Variants in CIT observed in about 807,000 individuals in gnomAD.
CIT encodes the protein citron Rho-interacting kinase.
Under a neutral mutation model 272.7 loss-of-function variants are expected in CIT, and 79 were observed. That is an observed-to-expected ratio of 0.29 (90% CI 0.24 to 0.35). The LOEUF (loss-of-function observed/expected upper bound fraction) is 0.35, where lower values mean the gene tolerates loss of function less well. CIT is among the 10% of genes least tolerant of loss of function. CIT has a pLI of 1.00. For synonymous variants in CIT, 948 were observed against 995.6 expected (o/e 0.95, Z 0.90); for missense variants, 1,909 against 2,618.3 (o/e 0.73, Z 5.91).
rs75308461 is a variant in CIT at position 119,717,755 on chromosome 12, T to C, written c.4168+490A>G. On this transcript the variant is annotated intron_variant, in intron 32 of 47. Transcript: ENST00000392521. Reference sequence around the variant, plus strand: ...ATATTCTTTAAATATAATCACACAATGTAAGATACATGAATGGTATAGACA... The same window carrying C: ...ATATTCTTTAAATATAATCACACAACGTAAGATACATGAATGGTATAGACA... Among the ~76,000 whole-genome samples the C allele has an allele frequency of 4.1e-4, 62 of 151,376 alleles. 1 individual carries two copies. The East Asian group carries it at 0.011, about 27-fold the overall frequency.
chr12:119,702,108 C>CT lies in CIT; in HGVS notation c.5305-151dup, dbSNP rs113607985. 0.099 allele frequency: 52,660 copies of CT among 530,804 alleles called. 962 individuals carry two copies. The highest frequency in any genetic ancestry group is 0.23 in the African/African-American group (11,394 of 50,082). 32.9% of individuals were successfully genotyped at this position (530,804 alleles called of 1,614,324 possible). On this transcript the variant is annotated intron_variant, in intron 41 of 47. Transcript: ENST00000392521. ...CACGTTGTCATAGAGAGCCATTCAT[C>CT]TTTTTTTTTTTTTGGAGACAAGATC...
chr12:119,809,333 T>C (rs1555254635), intron 9 of CIT, among the ~76,000 whole-genome samples: 1 of 151,858 alleles, frequency 6.6e-6, no homozygotes, highest in Non-Finnish European at 1.5e-5. Flanking sequence ...ATAGTCAACA[T>C]GACAAATTCT....
chr12:119,776,279 A>G (rs1963735787), intron 15 of CIT, 79 bp downstream of exon 15: 1 of 1,063,194 alleles, frequency 9.4e-7, no homozygotes, highest in Non-Finnish European at 1.5e-6. Flanking sequence ...CTCTTCATCA[A>G]TGATGGGCCA....
In CIT at chr12:119,701,953, T is replaced by C. The variant is rs1379610402; in HGVS notation, c.5310A>G (p.Ile1770Met). ...NLSKYCIRKE[I>M]ETSEPCSCIH... ...TACAGCTGCAGGGCTCTGAGGTCTC[T>C]ATCTCCTGAGACATGAGAGCAGAAG... The change falls in exon 42 of 48, where the codon ATA becomes ATG. Residue 1770 changes from isoleucine to methionine, a missense_variant. Physicochemically the swap from Ile to Met is conservative, Grantham distance 10. Around this residue, in one of 8 missense-constraint regions of CIT, gnomAD observed 780 missense variants for 1,067.2 expected, o/e 0.73. Transcript: ENST00000392521. The C allele has an allele frequency of 4.3e-6, 7 of 1,609,686 alleles. No homozygotes were observed. Among genetic ancestry groups the C allele is most frequent in the Middle Eastern group, 3.3e-4 (2 of 6,018 alleles).
chr12:119,797,250 G>T (rs1002193939), intron 10 of CIT, among the ~76,000 whole-genome samples: 5 of 152,212 alleles, frequency 3.3e-5, no homozygotes, highest in African/African-American at 1.2e-4. Flanking sequence ...TAATCTTCAG[G>T]ACTGGGCTAG....
chr12:119,799,447 C>T (rs1272961122), intron 10 of CIT, among the ~76,000 whole-genome samples: 1 of 152,126 alleles, frequency 6.6e-6, no homozygotes, highest in African/African-American at 2.4e-5. Context: ...AAACTGGTTC[C>T]CAGAAAACTC....
intron 12 of CIT, chr12:119,783,410 A>G (rs1964486187): frequency 6.6e-6 from 1 of 152,516 alleles, no homozygotes; most frequent in South Asian, 2.1e-4. Flanking sequence ...TTGTGAAGGA[A>G]AGAAAAAATG....
At chr12:119,818,776 T>C (rs1305003631) in intron 9 of CIT, among the ~76,000 whole-genome samples, 2 of 152,216 alleles carry the variant, frequency 1.3e-5, no homozygotes, top group Non-Finnish European at 2.9e-5. Flanking sequence ...AAATAATCCG[T>C]GATCACCACT....
chr12:119,797,863 G>A (rs1965867053), intron 10 of CIT, among the ~76,000 whole-genome samples: 1 of 152,190 alleles, frequency 6.6e-6, no homozygotes, highest in Non-Finnish European at 1.5e-5. Flanking sequence ...ACAAAATGTA[G>A]ATGTGAATAG....
intron 24 of CIT, among the ~76,000 whole-genome samples, chr12:119,736,601 G>C (rs576966778): frequency 6.6e-6 from 1 of 152,326 alleles, no homozygotes; most frequent in South Asian, 2.1e-4. Context: ...AGCTACAAGA[G>C]GGGGAATAAA....
intron 23 of CIT, among the ~76,000 whole-genome samples, chr12:119,747,192 G>A (rs1482673920): frequency 6.6e-6 from 1 of 152,162 alleles, no homozygotes; most frequent in Non-Finnish European, 1.5e-5. Flanking sequence ...GGAGGCTGAA[G>A]CAGGTGGATC....
chr12:119,777,062 C>T (rs1460128580), intron 13 of CIT, among the ~76,000 whole-genome samples: 1 of 152,010 alleles, frequency 6.6e-6, no homozygotes, highest in Non-Finnish European at 1.5e-5. Flanking sequence ...CAAGACCATC[C>T]TGGCCAACAT....
At chr12:119,826,334 G>A (rs1359402297) in intron 7 of CIT, among the ~76,000 whole-genome samples, 1 of 152,070 alleles carries the variant, frequency 6.6e-6, no homozygotes. Context: ...ACTTGACCTT[G>A]GCAAAGAAAG....
At chr12:119,766,778 AAAAAAG>A (rs1188120904) in intron 19 of CIT, among the ~76,000 whole-genome samples, 2 of 151,974 alleles carry the variant, frequency 1.3e-5, no homozygotes, top group African/African-American at 4.8e-5. Context: ...CACAAAAATT[AAAAAAG>A]AAAAAGGATT....
intron 23 of CIT, among the ~76,000 whole-genome samples, chr12:119,744,418 T>G (rs1479431841): frequency 6.7e-6 from 1 of 148,162 alleles, no homozygotes. Flanking sequence ...AAAAAAAAAG[T>G]CTCCATAAGA....
At chr12:119,766,406 C>T (rs1399828709) in intron 19 of CIT, among the ~76,000 whole-genome samples, 1 of 152,098 alleles carries the variant, frequency 6.6e-6, no homozygotes, top group Non-Finnish European at 1.5e-5. Flanking sequence ...CATATTCTCA[C>T]TTATTTGTGG....
intron 41 of CIT, among the ~76,000 whole-genome samples, chr12:119,703,881 CA>C (rs1286932846): frequency 6.6e-6 from 1 of 152,228 alleles, no homozygotes; most frequent in Non-Finnish European, 1.5e-5. Flanking sequence ...CAGTCATCAT[CA>C]CAGCTCACTC....
chr12:119,863,609 C>T (rs570940983), intron 3 of CIT, among the ~76,000 whole-genome samples: 10 of 152,010 alleles, frequency 6.6e-5, no homozygotes, highest in African/African-American at 2.4e-4. Flanking sequence ...TCACTGCAAC[C>T]TCTGCCTCCC....
At chr12:119,809,146 T>C (rs1566075097) in intron 9 of CIT, among the ~76,000 whole-genome samples, 2 of 152,132 alleles carry the variant, frequency 1.3e-5, no homozygotes, top group Admixed American at 6.5e-5. Context: ...GCCAGAGCAA[T>C]GGCCCAAGAG....
Sources: gnomAD v4.1 joint callset for allele counts (sites outside exome capture counted in the v4.1 genomes callset) on GRCh38, gnomAD v4.1.1 for gene constraint, gnomAD v4.1.1 regional missense constraint, MANE v1.5 for transcripts, NCBI Gene and HGNC (gene_info 2026-07-23, HGNC 2026-07-21) for gene names.